The following ADCY9 variants were observed in gnomAD, a reference collection of about 807,000 sequenced individuals.
The protein encoded by ADCY9 is adenylate cyclase 9, also known as adenylate cyclase type 9.
ADCY9 carries 50 observed loss-of-function variants against 101.5 expected under a neutral mutation model. The observed-to-expected ratio is 0.49, with a 90% CI of 0.39 to 0.62. ADCY9 has a LOEUF of 0.62. Among genes scored for constraint, ADCY9 ranks in the 20% least tolerant of loss-of-function variants. The pLI, the probability that ADCY9 is intolerant of heterozygous loss-of-function variation, is 0.00. For synonymous variants in ADCY9, 905 were observed against 769.3 expected, an observed-to-expected ratio of 1.18 and a Z score of -2.92; for missense variants, 1,662 against 1,800.4, an observed-to-expected ratio of 0.92 and a Z score of 1.39.
chr16:3,959,477 C>T (rs1043720591), downstream of ADCY9, among the ~76,000 whole-genome samples: 2 of 152,034 alleles, frequency 1.3e-5, no homozygotes, highest in Admixed American at 1.3e-4. Flanking sequence ...AGCTTCTAAT[C>T]ACAGCTGTTT....
chr16:4,035,095 G>T (rs545421139), intron 2 of ADCY9, among the ~76,000 whole-genome samples: 15 of 152,298 alleles, frequency 9.8e-5, no homozygotes, highest in South Asian at 6.2e-4. Flanking sequence ...GATGTGACAC[G>T]ATCACCACCC....
chr16:4,087,836 CCTTCCTT>C (rs897288340), intron 2 of ADCY9, among the ~76,000 whole-genome samples: 15 of 150,808 alleles, frequency 9.9e-5, no homozygotes, highest in African/African-American at 3.7e-4. Context: ...TCTCTTCCTT[CCTTCCTT>C]CTTTCTCTTT....
chr16:4,002,750 T>C (rs2056339638), intron 3 of ADCY9, among the ~76,000 whole-genome samples: 4 of 152,354 alleles, frequency 2.6e-5, no homozygotes, highest in Middle Eastern at 3.4e-3. Flanking sequence ...AGTCTCACTC[T>C]ATTGCCCAGT....
chr16:4,078,546 C>A, intron 2 of ADCY9, among the ~76,000 whole-genome samples: 1 of 143,814 alleles, frequency 7.0e-6, no homozygotes, highest in African/African-American at 2.5e-5. Flanking sequence ...TAGAGTGAGA[C>A]CCTGTCTCAA....
chr16:4,046,211 C>A (rs911783255), intron 2 of ADCY9, among the ~76,000 whole-genome samples: 1 of 152,098 alleles, frequency 6.6e-6, no homozygotes, highest in Non-Finnish European at 1.5e-5. Context: ...TGTCCGGAGT[C>A]GCAGAAGCAA....
At chr16:3,983,658 G>A (rs1299662188) in intron 6 of ADCY9, 1 of 573,234 alleles carries the variant, frequency 1.7e-6, no homozygotes, top group Admixed American at 3.1e-5. Context: ...GCTGGGCACG[G>A]TGGCTCACGC....
chr16:4,035,802 C>T (rs1050578327), intron 2 of ADCY9, among the ~76,000 whole-genome samples: 1 of 152,034 alleles, frequency 6.6e-6, no homozygotes, highest in East Asian at 1.9e-4. Context: ...AGTTTTGAGA[C>T]CAGCCTGACC....
intron 6 of ADCY9, among the ~76,000 whole-genome samples, chr16:3,987,998 TGGA>T (rs2056208434): frequency 6.8e-6 from 1 of 147,714 alleles, no homozygotes; most frequent in Admixed American, 6.6e-5. Context: ...GAGGAGGGGC[TGGA>T]GGAGAGAGAT....
intron 3 of ADCY9, among the ~76,000 whole-genome samples, chr16:4,002,398 T>C (rs937198296): frequency 2.6e-5 from 4 of 152,140 alleles, no homozygotes; most frequent in South Asian, 2.1e-4. Flanking sequence ...ATTTTCAAAA[T>C]TCACTGTCAC....
intron 7 of ADCY9, among the ~76,000 whole-genome samples, chr16:3,979,771 G>A (rs537219812): frequency 1.3e-5 from 2 of 152,234 alleles, no homozygotes; most frequent in South Asian, 2.1e-4. Flanking sequence ...ATGTGGGCAG[G>A]TGCCACCCAG....
At chr16:3,961,176 G>T (rs374245089), downstream of ADCY9, among the ~76,000 whole-genome samples, 5 of 152,134 alleles carry the variant, frequency 3.3e-5, no homozygotes, top group Non-Finnish European at 5.9e-5. Flanking sequence ...GGCTGGGCGC[G>T]GTGGCTCATG....
chr16:3,972,252 T>TG (rs2056058564), intron 10 of ADCY9, among the ~76,000 whole-genome samples: 2 of 150,818 alleles, frequency 1.3e-5, no homozygotes, highest in Admixed American at 6.6e-5. Flanking sequence ...TTTTTTGAGA[T>TG]GGAGTCTTGC....
At chr16:3,976,021 T>C (rs1429273515) in intron 9 of ADCY9, among the ~76,000 whole-genome samples, 1 of 152,234 alleles carries the variant, frequency 6.6e-6, no homozygotes, top group African/African-American at 2.4e-5. Flanking sequence ...AGACTGAGTC[T>C]TGCTCTGTCA....
At chr16:3,976,606 G>A (rs1231096406) in intron 9 of ADCY9, among the ~76,000 whole-genome samples, 2 of 152,138 alleles carry the variant, frequency 1.3e-5, no homozygotes, top group South Asian at 4.1e-4. Context: ...TCAGTGACTG[G>A]TCATTAATCC....
At chr16:4,110,670 A>G (rs141265204) in intron 2 of ADCY9, among the ~76,000 whole-genome samples, 2,658 of 152,260 alleles carry the variant, frequency 0.017, 51 homozygotes, top group Non-Finnish European at 0.026. Context: ...GATTACAGGC[A>G]TGAGCCACTG....
chr16:4,025,727 A>T (rs1190957623), intron 2 of ADCY9, among the ~76,000 whole-genome samples: 2 of 152,160 alleles, frequency 1.3e-5, no homozygotes, highest in Non-Finnish European at 2.9e-5. Context: ...GCAGCTCCAG[A>T]AGGTTTGGGG....
At chr16:4,039,005 TCTC>T (rs2056608794) in intron 2 of ADCY9, among the ~76,000 whole-genome samples, 1 of 152,154 alleles carries the variant, frequency 6.6e-6, no homozygotes, top group Admixed American at 6.6e-5. Context: ...AGCAACAACA[TCTC>T]CTACAACTAA....
At position 4,007,709 on chromosome 16, in the gene ADCY9, G is replaced by A. The variant is rs146420349; in HGVS notation, c.1694-151C>T. 2,253 of 617,674 alleles carry A rather than the reference G, an allele frequency of 3.6e-3. 13 individuals carry two copies. Among genetic ancestry groups the A allele is most frequent in the Non-Finnish European group, 4.9e-3 (1,828 of 373,658 alleles). The allele number at this position is 617,674 out of a possible 1,614,324, so 38.3% of individuals were successfully genotyped here. ...GTCATAGTTTACGACGGACGTCCAC[G>A]ATCTCTCCAGAGAGATGCGGCCTCA... On this transcript the variant is annotated intron_variant, in intron 2 of 10. Coordinates refer to ENST00000294016, the MANE Select transcript of ADCY9 (RefSeq NM_001116.4).
intron 2 of ADCY9, among the ~76,000 whole-genome samples, chr16:4,097,594 T>C (rs563218041): frequency 2.2e-5 from 3 of 138,270 alleles, no homozygotes; most frequent in African/African-American, 8.0e-5. Flanking sequence ...TGCTCTGTCA[T>C]CCAGGCTGGA....
Sources: gnomAD v4.1 joint callset for allele counts (sites outside exome capture counted in the v4.1 genomes callset) on GRCh38, gnomAD v4.1.1 for gene constraint, MANE v1.5 for transcripts, NCBI Gene and HGNC (gene_info 2026-07-23, HGNC 2026-07-21) for gene names.